The following CADM1 variants were observed in gnomAD, a reference collection of about 807,000 sequenced individuals.
CADM1 encodes cell adhesion molecule 1.
CADM1 carries 15 observed loss-of-function variants against 53.1 expected under a neutral mutation model. The ratio of observed to expected loss-of-function variants is 0.28; its 90% CI spans 0.19 to 0.44. The LOEUF is 0.44. Among genes scored for constraint, CADM1 ranks in the 20% least tolerant of loss-of-function variants. The pLI is 1.00. For missense variants in CADM1, 434 were observed against 611.3 expected (o/e 0.71, Z 3.06); for synonymous variants, 281 against 243.0 (o/e 1.16, Z -1.45).
chr11:115,490,875 G>A (rs1261368439), intron 1 of CADM1, among the ~76,000 whole-genome samples: 1 of 152,140 alleles, frequency 6.6e-6, no homozygotes, highest in Non-Finnish European at 1.5e-5. Context: ...TCTGTAAAAT[G>A]GGGCAACAGT....
intron 1 of CADM1, among the ~76,000 whole-genome samples, chr11:115,487,478 T>C (rs1349732365): frequency 6.6e-6 from 1 of 152,162 alleles, no homozygotes; most frequent in East Asian, 1.9e-4. Flanking sequence ...TGCACTCACC[T>C]TATGAAACAA....
intron 1 of CADM1, among the ~76,000 whole-genome samples, chr11:115,432,893 G>A (rs914437305): frequency 6.6e-6 from 1 of 152,188 alleles, no homozygotes; most frequent in African/African-American, 2.4e-5. Flanking sequence ...CTGAGAGTTT[G>A]TTTTCCTCTC....
intron 1 of CADM1, among the ~76,000 whole-genome samples, chr11:115,332,027 T>G (rs1389193263): frequency 6.6e-6 from 1 of 152,072 alleles, no homozygotes; most frequent in East Asian, 1.9e-4. Context: ...TGCCTGAGCG[T>G]AACAGTCGGG....
chr11:115,418,458 A>G (rs984296503), intron 1 of CADM1, among the ~76,000 whole-genome samples: 2 of 152,154 alleles, frequency 1.3e-5, no homozygotes, highest in Non-Finnish European at 2.9e-5. Flanking sequence ...AAAAAATTCT[A>G]TTAGCCTCAG....
intron 1 of CADM1, among the ~76,000 whole-genome samples, chr11:115,494,268 A>G (rs1268272284): frequency 2.0e-5 from 3 of 152,120 alleles, no homozygotes; most frequent in Admixed American, 6.5e-5. Context: ...AAGTTGAGGG[A>G]AAAATAGACT....
intron 1 of CADM1, among the ~76,000 whole-genome samples, chr11:115,349,078 T>C (rs962937603): frequency 6.6e-6 from 1 of 152,230 alleles, no homozygotes; most frequent in African/African-American, 2.4e-5. Flanking sequence ...CTTATCTTCC[T>C]TTACGCATCA....
At chr11:115,178,939 G>C (rs1939178430) in intron 10 of CADM1, 164 bp from the exon 11 acceptor site, 1 of 744,832 alleles carries the variant, frequency 1.3e-6, no homozygotes. Context: ...AGGCTGACCT[G>C]TCCAGTGCTG....
At chr11:115,343,535 T>C (rs1945501390) in intron 1 of CADM1, among the ~76,000 whole-genome samples, 1 of 152,122 alleles carries the variant, frequency 6.6e-6, no homozygotes, top group African/African-American at 2.4e-5. Context: ...TGACTAGCAC[T>C]GACCTAAATA....
rs1235007328 is a variant in CADM1 at position 115,261,354 on chromosome 11, A to G, written c.125-20934T>C. Among the ~76,000 whole-genome samples the G allele has an allele frequency of 2.0e-5, 3 of 152,284 alleles. No individual in the cohort carries two copies. The East Asian group carries it at 5.8e-4, about 29-fold the overall frequency. ...AGAGTCCCAGGACCTCTGTACCACT[A>G]CTTCTTAGAATTAATGCCTCTCTCA... On this transcript the variant is annotated intron_variant, in intron 1 of 11. Transcript: ENST00000331581.
intron 3 of CADM1, among the ~76,000 whole-genome samples, chr11:115,232,691 C>G (rs912386751): frequency 6.6e-6 from 1 of 152,048 alleles, no homozygotes; most frequent in African/African-American, 2.4e-5. Context: ...AATATGTTAT[C>G]TTTTATGAAA....
At position 115,464,871 on chromosome 11, in the gene CADM1, A is replaced by G. The variant is rs142834552; in HGVS notation, c.124+39400T>C. 2.6e-5 allele frequency among the ~76,000 whole-genome samples: 4 copies of G among 152,320 alleles called. No individual in the cohort carries two copies. The East Asian group carries it at 7.7e-4, about 29-fold the overall frequency. The stretch of plus-strand genomic sequence containing the variant: ...AAAGATGTTGCTCAGTTATTCTAGA[A>G]CATTCTATGCCAGTATCAGCATCCT... On this transcript the variant is annotated intron_variant, in intron 1 of 11. Transcript: ENST00000331581.
intron 4 of CADM1, among the ~76,000 whole-genome samples, chr11:115,231,042 T>C (rs1941794818): frequency 6.6e-6 from 1 of 152,164 alleles, no homozygotes; most frequent in African/African-American, 2.4e-5. Context: ...CAGCCTGAGC[T>C]CAGGAGACAG....
At chr11:115,385,350 T>C (rs1433676947) in intron 1 of CADM1, among the ~76,000 whole-genome samples, 1 of 152,234 alleles carries the variant, frequency 6.6e-6, no homozygotes, top group Admixed American at 6.5e-5. Context: ...GCTAAAAATA[T>C]TCCAAAGCTT....
At chr11:115,347,825 A>C (rs76384019) in intron 1 of CADM1, among the ~76,000 whole-genome samples, 2,537 of 152,306 alleles carry the variant, frequency 0.017, 76 homozygotes, top group African/African-American at 0.056. Context: ...CATCCAAAGT[A>C]GGATTCAGAA....
rs146489038 is a variant in CADM1 at position 115,353,159 on chromosome 11, C to T, written c.125-112739G>A. Among the ~76,000 whole-genome samples, 101 of 152,176 alleles carry T rather than the reference C, an allele frequency of 6.6e-4. No homozygotes were observed. The East Asian group carries it at 0.012, about 18-fold the overall frequency. ...GAGAAGTGTTTTTGTTCAAGAAAAA[C>T]GGAAATGGGTACAGACAGGATTTCT... is the stretch of plus-strand genomic sequence containing the variant. On this transcript the variant is annotated intron_variant, in intron 1 of 11. Transcript: ENST00000331581.
At chr11:115,180,844 T>C (rs920783125) in intron 10 of CADM1, among the ~76,000 whole-genome samples, 2 of 152,062 alleles carry the variant, frequency 1.3e-5, no homozygotes, top group East Asian at 1.9e-4. Flanking sequence ...AAATAGGGAA[T>C]CTTGGGGGAA....
At chr11:115,397,699 A>AC (rs1434205573) in intron 1 of CADM1, 5 of 322 alleles carry the variant, frequency 0.016, no homozygotes, top group Non-Finnish European at 0.031. Flanking sequence ...CTCAATGACA[A>AC]TAGAGACATT....
At chr11:115,361,812 G>C (rs1010363109) in intron 1 of CADM1, among the ~76,000 whole-genome samples, 1 of 151,684 alleles carries the variant, frequency 6.6e-6, no homozygotes, top group African/African-American at 2.4e-5. Flanking sequence ...TTGCAGCCTC[G>C]ACCTCCTGGG....
At chr11:115,476,138 A>C (rs546640962) in intron 1 of CADM1, among the ~76,000 whole-genome samples, 11 of 152,320 alleles carry the variant, frequency 7.2e-5, no homozygotes, top group Admixed American at 3.9e-4. Flanking sequence ...AAATTAAATC[A>C]ATATATTTAT....
Sources: gnomAD v4.1 joint callset for allele counts (sites outside exome capture counted in the v4.1 genomes callset) on GRCh38, gnomAD v4.1.1 for gene constraint, MANE v1.5 for transcripts, NCBI Gene and HGNC (gene_info 2026-07-23, HGNC 2026-07-21) for gene names.